NEBL: variants seen among roughly 807,000 people sequenced by gnomAD.
NEBL encodes the protein nebulette, also known as LIM and SH3 protein 2.
A neutral mutation model predicts 140.2 loss-of-function variants in NEBL; 122 were observed. The observed-to-expected ratio is 0.87, with a 90% CI of 0.75 to 1.01. The LOEUF is 1.01. NEBL is among the 50% of genes least tolerant of loss of function. NEBL has a pLI of 0.00. For missense variants in NEBL, 1,365 were observed against 1,231.3 expected (o/e 1.11, Z -1.62); for synonymous variants, 436 against 398.9 (o/e 1.09, Z -1.11).
intron 3 of NEBL, among the ~76,000 whole-genome samples, chr10:21,223,504 T>A (rs577813971): frequency 6.6e-6 from 1 of 152,360 alleles, no homozygotes; most frequent in African/African-American, 2.4e-5. Flanking sequence ...AGTGCTGCAA[T>A]AAACATGGAG....
At chr10:21,133,268 G>A (rs1839199059) in intron 2 of NEBL, among the ~76,000 whole-genome samples, 1 of 152,218 alleles carries the variant, frequency 6.6e-6, no homozygotes, top group Non-Finnish European at 1.5e-5. Context: ...TTCAAGGTAA[G>A]AAAAGGAGAT....
intron 4 of NEBL, among the ~76,000 whole-genome samples, chr10:20,939,625 A>C (rs182309328): frequency 0.025 from 3,845 of 152,324 alleles, 60 homozygotes; most frequent in Middle Eastern, 0.088. Flanking sequence ...CTCCAATTAA[A>C]AGGCACAGAC....
Position 20,929,082 on chromosome 10 carries a change from A to G in NEBL, c.357+32590T>C, listed in dbSNP as rs569845720. Reference sequence around the variant, plus strand: ...AGATCTTTGAGAAACCTCCATACCTACCATTTTGATCCAGCAATCCCGCTA... The same window carrying G: ...AGATCTTTGAGAAACCTCCATACCTGCCATTTTGATCCAGCAATCCCGCTA... On this transcript the variant is annotated intron_variant, in intron 4 of 6. Coordinates refer to the NEBL transcript ENST00000417816. Among the ~76,000 whole-genome samples, 9 of 152,198 alleles carry G rather than the reference A, an allele frequency of 5.9e-5. No individual in the cohort carries two copies. The South Asian group carries it at 1.7e-3, about 28-fold the overall frequency.
At chr10:20,888,311 A>G in intron 3 of NEBL, 104 bp from the exon 4 acceptor site, 1 of 748,818 alleles carries the variant, frequency 1.3e-6, no homozygotes, top group Non-Finnish European at 2.3e-6. Context: ...AACAGAATTG[A>G]TTTTAAAATC....
chr10:20,849,900 C>T (rs1842338441), intron 11 of NEBL, among the ~76,000 whole-genome samples: 1 of 151,998 alleles, frequency 6.6e-6, no homozygotes, highest in Non-Finnish European at 1.5e-5. Context: ...ACCTTCCTAG[C>T]ATCATTACTT....
At chr10:20,846,814 T>C (rs1485960470) in intron 11 of NEBL, among the ~76,000 whole-genome samples, 1 of 152,044 alleles carries the variant, frequency 6.6e-6, no homozygotes, top group African/African-American at 2.4e-5. Context: ...TAAGGGAGGT[T>C]AATTACGACT....
intron 2 of NEBL, among the ~76,000 whole-genome samples, chr10:21,041,474 G>A (rs370783594): frequency 3.3e-5 from 5 of 152,158 alleles, no homozygotes; most frequent in East Asian, 3.9e-4. Context: ...GAAAAAAGCC[G>A]AGAAGAAAAA....
intron 2 of NEBL, among the ~76,000 whole-genome samples, chr10:21,049,455 G>A (rs1317340542): frequency 2.6e-5 from 4 of 152,010 alleles, no homozygotes; most frequent in Non-Finnish European, 4.4e-5. Context: ...TTGATTACAC[G>A]TCAGAACCAA....
chr10:21,056,847 G>A (rs912866659), intron 2 of NEBL, among the ~76,000 whole-genome samples: 2 of 152,164 alleles, frequency 1.3e-5, no homozygotes, highest in African/African-American at 4.8e-5. Context: ...CAGGATGGTG[G>A]TTCATCCAGG....
intron 2 of NEBL, among the ~76,000 whole-genome samples, chr10:21,093,922 G>A (rs1350509999): frequency 2.0e-5 from 3 of 152,136 alleles, no homozygotes; most frequent in Admixed American, 6.5e-5. Flanking sequence ...TATTTTTTGC[G>A]GGAACCAGAA....
chr10:20,920,053 C>T (rs938747998), intron 4 of NEBL, among the ~76,000 whole-genome samples: 15 of 152,086 alleles, frequency 9.9e-5, no homozygotes, highest in East Asian at 9.6e-4. Flanking sequence ...TAAGAGAGGA[C>T]GCCCAAGCTT....
chr10:20,879,821 A>G (rs370708490), intron 5 of NEBL, among the ~76,000 whole-genome samples: 224 of 151,944 alleles, frequency 1.5e-3, no homozygotes, highest in African/African-American at 4.9e-3. Flanking sequence ...CAGGATGAGG[A>G]GATTTTAAAA....
intron 1 of NEBL, among the ~76,000 whole-genome samples, chr10:21,276,597 G>A (rs1842927890): frequency 6.6e-6 from 1 of 152,100 alleles, no homozygotes; most frequent in African/African-American, 2.4e-5. Flanking sequence ...AGGCCGAGGT[G>A]GATGGATCTC....
chr10:21,184,198 A>G (rs769704655), intron 3 of NEBL, among the ~76,000 whole-genome samples: 1 of 152,176 alleles, frequency 6.6e-6, no homozygotes, highest in Non-Finnish European at 1.5e-5. Context: ...TTGTTTTCCT[A>G]TTTCTCTGAT....
intron 4 of NEBL, among the ~76,000 whole-genome samples, chr10:20,927,954 A>G (rs1410136892): frequency 6.6e-6 from 1 of 152,190 alleles, no homozygotes; most frequent in Admixed American, 6.5e-5. Context: ...TATTATATTT[A>G]ACTTTGCTAG....
chr10:20,899,371 G>A (rs1427997195), upstream of NEBL: 1 of 1,299,980 alleles, frequency 7.7e-7, no homozygotes, highest in Non-Finnish European at 1.0e-6. Flanking sequence ...TCCCCAAGGT[G>A]AATTACCTTC....
chr10:21,035,113 C>T lies in NEBL; in HGVS notation c.165-14912G>A, dbSNP rs531257819. On this transcript the variant is annotated intron_variant, in intron 2 of 6. Transcript: ENST00000417816. ...TGCCAGGCCCAAGTGATTATCATGT[C>T]TCAGTCTCCTGAGTAGCTGGATTGC... Among the ~76,000 whole-genome samples the T allele has an allele frequency of 2.6e-5, 4 of 152,218 alleles. No individual in the cohort carries two copies. The East Asian group carries it at 5.8e-4, about 22-fold the overall frequency.
chr10:20,891,866 G>A (rs928486160), intron 2 of NEBL, among the ~76,000 whole-genome samples: 2 of 151,996 alleles, frequency 1.3e-5, no homozygotes, highest in Non-Finnish European at 2.9e-5. Flanking sequence ...AATAAGCAAA[G>A]AATGTTAGAT....
chr10:21,254,877 C>G (rs755152016), intron 1 of NEBL, among the ~76,000 whole-genome samples: 1 of 152,116 alleles, frequency 6.6e-6, no homozygotes, highest in Non-Finnish European at 1.5e-5. Flanking sequence ...CCTAAATGGA[C>G]ACACCAGGGC....
Sources: gnomAD v4.1 joint callset for allele counts (sites outside exome capture counted in the v4.1 genomes callset) on GRCh38, gnomAD v4.1.1 for gene constraint, MANE v1.5 for transcripts, NCBI Gene and HGNC (gene_info 2026-07-23, HGNC 2026-07-21) for gene names.